Variants in RSBN1L observed in about 807,000 individuals in gnomAD.
RSBN1L encodes lysine-specific demethylase RSBN1L.
A neutral mutation model predicts 67.7 loss-of-function variants in RSBN1L; 30 were observed. The observed-to-expected ratio is 0.44, with a 90% CI of 0.33 to 0.60. RSBN1L has a LOEUF of 0.60. RSBN1L is among the 20% of genes least tolerant of loss of function. The pLI is 0.02. For synonymous variants in RSBN1L, 433 were observed against 387.0 expected (o/e 1.12, Z -1.39); for missense variants, 992 against 1,031.7 (o/e 0.96, Z 0.53).
chr7:77,706,133 A>G (rs577060926), intron 1 of RSBN1L, among the ~76,000 whole-genome samples: 44 of 150,118 alleles, frequency 2.9e-4, no homozygotes, highest in African/African-American at 9.8e-4. Context: ...GTGGAGTGCA[A>G]TGGTGCGATC....
chr7:77,774,863 A>AT (rs959039838), intron 6 of RSBN1L, among the ~76,000 whole-genome samples: 20 of 151,040 alleles, frequency 1.3e-4, no homozygotes, highest in Admixed American at 7.3e-4. Context: ...GCCATTAAAA[A>AT]TTTTTTTTTT....
At chr7:77,708,385 A>ATTT (rs67403786) in intron 1 of RSBN1L, among the ~76,000 whole-genome samples, 9 of 142,396 alleles carry the variant, frequency 6.3e-5, no homozygotes, top group African/African-American at 2.1e-4. Context: ...GGATGAGACT[A>ATTT]TTTTTTTTTT....
In RSBN1L at chr7:77,712,379, C is replaced by T. The variant is rs142607769; in HGVS notation, c.586+15324C>T. Among the ~76,000 whole-genome samples the T allele has an allele frequency of 2.6e-4, 39 of 151,764 alleles. No individual in the cohort carries two copies. The East Asian group carries it at 7.5e-3, about 29-fold the overall frequency. On this transcript the variant is annotated intron_variant, in intron 1 of 7. Transcript: ENST00000334955. The stretch of plus-strand genomic sequence containing the variant: ...CTCACTGCAACCTCCACTCCAGGTT[C>T]AAGCCATTTTCCTGCCTCTGCCTCC...
chr7:77,739,565 T>C (rs985559258), intron 2 of RSBN1L, among the ~76,000 whole-genome samples: 3 of 150,860 alleles, frequency 2.0e-5, no homozygotes, highest in Non-Finnish European at 4.4e-5. Flanking sequence ...ATAGAAAAAT[T>C]AGCCGGGCGT....
chr7:77,747,343 G>A (rs1791497982), intron 2 of RSBN1L, among the ~76,000 whole-genome samples: 1 of 152,222 alleles, frequency 6.6e-6, no homozygotes, highest in Admixed American at 6.5e-5. Context: ...AGTCCTAGAA[G>A]GCATTTCAGA....
At chr7:77,758,295 C>G (rs1283303696) in intron 3 of RSBN1L, among the ~76,000 whole-genome samples, 1 of 152,148 alleles carries the variant, frequency 6.6e-6, no homozygotes, top group Non-Finnish European at 1.5e-5. Flanking sequence ...TGGGATTAGG[C>G]ATGTGCCACC....
chr7:77,718,455 AT>A (rs1174207281), intron 1 of RSBN1L, among the ~76,000 whole-genome samples: 27 of 151,872 alleles, frequency 1.8e-4, no homozygotes, highest in Non-Finnish European at 3.7e-4. Flanking sequence ...CACCTGGCTA[AT>A]TTTTTTGTAT....
chr7:77,768,532 G>A (rs1408456255), intron 4 of RSBN1L, 129 bp from the exon 5 acceptor site: 5 of 762,946 alleles, frequency 6.6e-6, no homozygotes, highest in African/African-American at 1.8e-5. Context: ...TCAATATTAT[G>A]TATTTCAGAT....
intron 2 of RSBN1L, 150 bp from the exon 3 acceptor site, chr7:77,749,274 T>C (rs1791523114): frequency 6.6e-6 from 4 of 608,324 alleles, no homozygotes; most frequent in Non-Finnish European, 8.1e-6. Context: ...GACTAAATAT[T>C]GATTATCAAT....
intron 1 of RSBN1L, among the ~76,000 whole-genome samples, chr7:77,707,394 T>G (rs1001832776): frequency 2.0e-5 from 3 of 152,184 alleles, no homozygotes; most frequent in Admixed American, 6.5e-5. Flanking sequence ...TTTCCTTTAC[T>G]CTCAATGATT....
At chr7:77,724,476 AGTACACTG>A (rs1791167489) in intron 1 of RSBN1L, among the ~76,000 whole-genome samples, 1 of 138,610 alleles carries the variant, frequency 7.2e-6, no homozygotes, top group South Asian at 2.2e-4. Context: ...TCCAGGTGGG[AGTACACTG>A]GTGCGCTCTT....
intron 1 of RSBN1L, 65 bp downstream of exon 1, chr7:77,697,120 C>T (rs1171397984): frequency 1.5e-6 from 2 of 1,292,876 alleles, no homozygotes; most frequent in Non-Finnish European, 9.8e-7. Flanking sequence ...CTGGCGCCCA[C>T]GGGGCCCGGG....
intron 5 of RSBN1L, among the ~76,000 whole-genome samples, 160 bp downstream of exon 5, chr7:77,768,963 C>T (rs1047468601): frequency 6.6e-6 from 1 of 151,680 alleles, no homozygotes; most frequent in Non-Finnish European, 1.5e-5. Context: ...TGTTATAAAA[C>T]CTAAAATGTA....
At chr7:77,739,739 C>CTTTTTTTTTTTTTT (rs1173154183) in intron 2 of RSBN1L, among the ~76,000 whole-genome samples, 6 of 42,690 alleles carry the variant, frequency 1.4e-4, no homozygotes, top group Non-Finnish European at 2.0e-4. Flanking sequence ...AAAAATGTGT[C>CTTTTTTTTTTTTTT]TTTTTTTTTT....
At position 77,778,677 on chromosome 7, in the gene RSBN1L, T is replaced by G; in HGVS notation, c.2050T>G (p.Leu684Val). 6.2e-7 allele frequency: 1 copy of G among 1,614,078 alleles called. No individual in the cohort carries two copies. The highest frequency in any genetic ancestry group is 8.5e-7 in the Non-Finnish European group (1 of 1,180,004). Reference sequence around the variant, plus strand: ...CAAGACAGTTTCAGCTGTATGCAGTTTAGCATGGCATATTCGGCTCAAATT... The same window carrying G: ...CAAGACAGTTTCAGCTGTATGCAGTGTAGCATGGCATATTCGGCTCAAATT... Reference protein sequence around the residue: ...QFKTVSAVCSLAWHIRLKLYH... With the variant: ...QFKTVSAVCSVAWHIRLKLYH... Residue 684 changes from leucine to valine, a missense_variant, in exon 8 of 8, where the codon TTA (leucine) becomes GTA (valine). Around this residue, in one of 7 missense-constraint regions of RSBN1L, gnomAD observed 55 missense variants for 112.8 expected, o/e 0.49. Coordinates refer to ENST00000334955, the MANE Select transcript of RSBN1L (RefSeq NM_198467.3).
Position 77,778,329 on chromosome 7 carries a change from CT to C in RSBN1L, c.1794-3del, listed in dbSNP as rs35107250. The C allele has an allele frequency of 6.4e-7, 1 of 1,573,970 alleles. No individual in the cohort carries two copies. The highest frequency in any genetic ancestry group is 8.6e-7 in the Non-Finnish European group (1 of 1,162,000). On this transcript the variant is annotated splice_region_variant and splice_polypyrimidine_tract_variant and intron_variant, in intron 6 of 7. Transcript: ENST00000334955. The stretch of plus-strand genomic sequence containing the variant: ...TGGCAGATTCTTGTTATCTCGTTTT[CT>C]TTTTTAGGCCTGATCAACCCCGTAT...
Position 77,749,670 on chromosome 7 carries a change from T to A in RSBN1L, c.950T>A (p.Ile317Asn). 6.2e-7 allele frequency: 1 copy of A among 1,614,174 alleles called. No homozygotes were observed. The highest frequency in any genetic ancestry group is 8.5e-7 in the Non-Finnish European group (1 of 1,180,018). ...NLDTKNYDSK[I>N]PENSEFPFVS... The stretch of plus-strand genomic sequence containing the variant: ...GATACCAAGAACTATGATTCCAAAA[T>A]TCCAGAGAACAGTGAGTTTCCATTT... The change falls in exon 3 of 8, where the codon ATT becomes AAT. Residue 317 changes from isoleucine to asparagine, a missense_variant. Ile to Asn is a moderately radical substitution (Grantham distance 149). This residue lies in a region of RSBN1L where 575 missense variants were observed against 483.2 expected (regional missense o/e 1.19). Transcript: ENST00000334955.
chr7:77,728,512 A>C (rs1408194174), intron 1 of RSBN1L, among the ~76,000 whole-genome samples: 1 of 152,190 alleles, frequency 6.6e-6, no homozygotes, highest in Non-Finnish European at 1.5e-5. Flanking sequence ...GTTCACGCCC[A>C]GAAGACCCGT....
At chr7:77,735,211 T>C (rs2150420555) in intron 1 of RSBN1L, among the ~76,000 whole-genome samples, 2 of 152,314 alleles carry the variant, frequency 1.3e-5, no homozygotes, top group African/African-American at 4.8e-5. Context: ...TGCTATTCAG[T>C]ATGGTAGACA....
Sources: allele counts gnomAD v4.1 joint callset (sites outside exome capture counted in the v4.1 genomes callset), GRCh38; gene constraint gnomAD v4.1.1; regional missense constraint gnomAD v4.1.1; transcripts MANE v1.5; gene names NCBI Gene and HGNC (gene_info 2026-07-23, HGNC 2026-07-21).